Variants in BLM observed in about 807,000 individuals in gnomAD.
BLM encodes BLM RecQ like helicase.
A neutral mutation model predicts 135.3 loss-of-function variants in BLM; 95 were observed. The observed-to-expected ratio is 0.70, with a 90% CI of 0.59 to 0.83. The LOEUF (loss-of-function observed/expected upper bound fraction) is 0.83. Ranked by LOEUF, BLM falls within the 40% of genes least tolerant of loss-of-function variation. The pLI, the probability that BLM is intolerant of heterozygous loss-of-function variation, is 0.00. For synonymous variants in BLM, 520 were observed against 589.2 expected (o/e 0.88, Z 1.70); for missense variants, 1,518 against 1,663.9 (o/e 0.91, Z 1.53).
At chr15:90,806,162 T>C (rs1228110655) in intron 19 of BLM, among the ~76,000 whole-genome samples, 1 of 152,176 alleles carries the variant, frequency 6.6e-6, no homozygotes, top group African/African-American at 2.4e-5. Context: ...AAAATAACAG[T>C]ATCTTAATAT....
At position 90,804,367 on chromosome 15, in the gene BLM, C is replaced by T. The variant is rs765243972; in HGVS notation, c.3751+8C>T. 2 of 1,609,490 alleles carry T rather than the reference C, an allele frequency of 1.2e-6. No individual in the cohort carries two copies. Among genetic ancestry groups the T allele is most frequent in the Non-Finnish European group, 1.7e-6 (2 of 1,175,806 alleles). On this transcript the variant is annotated splice_region_variant and intron_variant, in intron 19 of 21. Transcript: ENST00000355112. ...CTCTCAAGAAGCTTGCAGGTGGGTA[C>T]ACATGTATCCTTTGTTACGTGGCAC... is the stretch of plus-strand genomic sequence containing the variant.
At chr15:90,800,779 A>C (rs533082377) in intron 17 of BLM, among the ~76,000 whole-genome samples, 3 of 147,752 alleles carry the variant, frequency 2.0e-5, no homozygotes, top group African/African-American at 7.4e-5. Context: ...TTACTTCTCA[A>C]CCAAAAAAAA....
chr15:90,724,170 G>C (rs946936131), intron 1 of BLM, among the ~76,000 whole-genome samples: 16 of 151,830 alleles, frequency 1.1e-4, no homozygotes, highest in African/African-American at 3.9e-4. Flanking sequence ...GTACCACCAT[G>C]CTTGGCTAAC....
intron 1 of BLM, among the ~76,000 whole-genome samples, chr15:90,725,248 G>C (rs562089421): frequency 1.2e-4 from 19 of 152,164 alleles, no homozygotes; most frequent in African/African-American, 4.6e-4. Context: ...CAAACTGATA[G>C]GTCAAAGAGT....
intron 1 of BLM, among the ~76,000 whole-genome samples, chr15:90,720,041 G>A (rs1894725168): frequency 6.6e-6 from 1 of 152,044 alleles, no homozygotes; most frequent in African/African-American, 2.4e-5. Context: ...CCAATTCAGT[G>A]TTCTTTGAAA....
chr15:90,770,110 C>G (rs1567045882), intron 12 of BLM, among the ~76,000 whole-genome samples: 1 of 151,362 alleles, frequency 6.6e-6, no homozygotes, highest in African/African-American at 2.4e-5. Flanking sequence ...CAACAAAATG[C>G]TTCTTGTTGC....
Position 90,754,896 on chromosome 15 carries a change from A to T in BLM, c.1045A>T (p.Ser349Cys). 1 of 1,614,020 alleles carries T rather than the reference A, an allele frequency of 6.2e-7. No individual in the cohort carries two copies. The highest frequency in any genetic ancestry group is 1.1e-5 in the South Asian group (1 of 91,078). Residue 349 changes from serine to cysteine, a missense_variant, in exon 5 of 22, where the codon AGT (serine) becomes TGT (cysteine). Ser to Cys is a moderately radical substitution (Grantham distance 112, BLOSUM62 -1). This residue lies in a region of BLM where 724 missense variants were observed against 756.9 expected (regional missense o/e 0.96). Transcript: ENST00000355112. ...TCTTTTGTCAAAACCTGAGAAAATG[A>T]GTATGCAGGAGCTGAATCCAGAAAC... ...KDLLSKPEKM[S>C]MQELNPETST...
At chr15:90,803,264 T>G (rs571405254) in intron 17 of BLM, among the ~76,000 whole-genome samples, 4 of 152,336 alleles carry the variant, frequency 2.6e-5, no homozygotes, top group Admixed American at 6.5e-5. Context: ...TTTCTTTGAT[T>G]TATTTGCTCC....
intron 3 of BLM, 47 bp from the exon 4 acceptor site, chr15:90,751,740 C>T (rs1306546773): frequency 1.3e-6 from 2 of 1,534,004 alleles, no homozygotes; most frequent in South Asian, 2.3e-5. Flanking sequence ...TTCTTTCTGT[C>T]TCATTAGTGG....
intron 16 of BLM, among the ~76,000 whole-genome samples, chr15:90,796,159 C>T (rs1397113539): frequency 2.6e-5 from 4 of 152,144 alleles, no homozygotes; most frequent in African/African-American, 9.7e-5. Context: ...TGGAGTTATC[C>T]TTGGCTAAGA....
At chr15:90,745,090 G>A (rs1009813945) in intron 1 of BLM, among the ~76,000 whole-genome samples, 3 of 151,962 alleles carry the variant, frequency 2.0e-5, no homozygotes, top group South Asian at 2.1e-4. Context: ...CGAAATGGCC[G>A]ATTCCAAATC....
intron 9 of BLM, 23 bp from the exon 10 acceptor site, chr15:90,766,887 T>A: frequency 6.9e-7 from 1 of 1,446,980 alleles, no homozygotes; most frequent in Non-Finnish European, 9.7e-7. Flanking sequence ...AAAATTGAAA[T>A]TGTTTACTAC....
At chr15:90,784,188 T>G (rs1230012015) in intron 13 of BLM, among the ~76,000 whole-genome samples, 1 of 152,190 alleles carries the variant, frequency 6.6e-6, no homozygotes, top group Non-Finnish European at 1.5e-5. Context: ...TTTTAAAGTT[T>G]GAAGTAAAAC....
At chr15:90,787,190 T>C (rs765494515) in intron 14 of BLM, among the ~76,000 whole-genome samples, 5 of 148,156 alleles carry the variant, frequency 3.4e-5, no homozygotes, top group East Asian at 2.0e-4. Flanking sequence ...GCTGGGACTA[T>C]AGGCACCCGC....
chr15:90,734,696 CAGAG>C (rs60051515), intron 1 of BLM, among the ~76,000 whole-genome samples: 4,650 of 145,940 alleles, frequency 0.032, 149 homozygotes, highest in African/African-American at 0.083. Context: ...CACACACACG[CAGAG>C]AGAGAGAGAG....
chr15:90,790,443 C>T lies in BLM; in HGVS notation c.2824-206C>T, dbSNP rs28385074. ...GCCATGCTGAGCTTCTCTTTACCTTCTTGGGTTTTAATGGCATTGCAAGTT... is the reference window on the plus strand; with the variant it reads ...GCCATGCTGAGCTTCTCTTTACCTTTTTGGGTTTTAATGGCATTGCAAGTT... On this transcript the variant is annotated intron_variant, in intron 14 of 21. Coordinates refer to ENST00000355112, the MANE Select transcript of BLM (RefSeq NM_000057.4). The T allele has an allele frequency of 1.4e-3, 853 of 588,274 alleles. 10 individuals carry two copies. The East Asian group carries it at 0.02, about 14-fold the overall frequency. 36.4% of individuals were successfully genotyped at this position (588,274 alleles called of 1,614,324 possible).
At chr15:90,761,824 C>T (rs896935864) in intron 7 of BLM, among the ~76,000 whole-genome samples, 6 of 152,122 alleles carry the variant, frequency 3.9e-5, no homozygotes, top group African/African-American at 1.4e-4. Flanking sequence ...ATAACAAATA[C>T]TAAGTAGTTC....
At chr15:90,724,590 A>G (rs1260592751) in intron 1 of BLM, among the ~76,000 whole-genome samples, 2 of 152,136 alleles carry the variant, frequency 1.3e-5, no homozygotes, top group African/African-American at 4.8e-5. Flanking sequence ...TTCAGACTAC[A>G]AGCACAAGTG....
intron 12 of BLM, among the ~76,000 whole-genome samples, chr15:90,776,956 G>T (rs1160476322): frequency 6.6e-6 from 1 of 152,056 alleles, no homozygotes. Flanking sequence ...AGTCTTTATT[G>T]CTAAATTAGA....
Sources: gnomAD v4.1 joint callset for allele counts (sites outside exome capture counted in the v4.1 genomes callset) on GRCh38, gnomAD v4.1.1 for gene constraint, gnomAD v4.1.1 regional missense constraint, MANE v1.5 for transcripts, NCBI Gene and HGNC (gene_info 2026-07-23, HGNC 2026-07-21) for gene names.